ZNF365: variants seen among roughly 807,000 people sequenced by gnomAD.
ZNF365 encodes the protein protein ZNF365.
ZNF365 carries 22 observed loss-of-function variants against 35.0 expected under a neutral mutation model. The ratio of observed to expected loss-of-function variants is 0.63; its 90% CI spans 0.45 to 0.90. ZNF365 has a LOEUF of 0.90. Ranked by LOEUF, ZNF365 falls within the 40% of genes least tolerant of loss-of-function variation. The pLI is 0.00. For synonymous variants in ZNF365, 188 were observed against 196.2 expected (o/e 0.96, Z 0.35); for missense variants, 448 against 500.3 (o/e 0.90, Z 1.00).
chr10:62,479,832 A>G (rs763303608), intron 4 of ZNF365: 1 of 1,359,058 alleles, frequency 7.4e-7, no homozygotes, highest in Non-Finnish European at 1.1e-6. Flanking sequence ...GCACCTAGAT[A>G]CCACTGCAAC....
intron 3 of ZNF365, among the ~76,000 whole-genome samples, chr10:62,420,621 C>G (rs540491218): frequency 2.6e-5 from 4 of 152,306 alleles, no homozygotes; most frequent in African/African-American, 9.6e-5. Context: ...CCTCTAAGTT[C>G]TTGGCCTGGA....
chr10:62,440,653 T>C (rs1470886163), intron 3 of ZNF365, among the ~76,000 whole-genome samples: 1 of 152,222 alleles, frequency 6.6e-6, no homozygotes, highest in Middle Eastern at 3.2e-3. Flanking sequence ...AATACTGCCT[T>C]ACTAATTGTG....
In ZNF365 at chr10:62,400,622, A is replaced by C; in HGVS notation, c.*833A>C. Reference sequence around the variant, plus strand: ...TGGGTGGCTAGGTGGTTGGAATGACAGTGGACTGCACGCTTGGTGCATCGT... The same window carrying C: ...TGGGTGGCTAGGTGGTTGGAATGACCGTGGACTGCACGCTTGGTGCATCGT... On this transcript the variant is annotated 3_prime_UTR_variant, in exon 5 of 5. Coordinates refer to ENST00000395254, the MANE Select transcript of ZNF365 (RefSeq NM_014951.3). 1.0e-6 allele frequency: 1 copy of C among 985,868 alleles called. No homozygotes were observed. The highest frequency in any genetic ancestry group is 1.2e-6 in the Non-Finnish European group (1 of 829,974). 61.1% of individuals were successfully genotyped at this position (985,868 alleles called of 1,614,324 possible).
intron 3 of ZNF365, among the ~76,000 whole-genome samples, chr10:62,456,124 A>G (rs1840757582): frequency 6.6e-6 from 1 of 152,222 alleles, no homozygotes; most frequent in African/African-American, 2.4e-5. Context: ...GTTGAGCACT[A>G]CAAATGCTGC....
intron 3 of ZNF365, among the ~76,000 whole-genome samples, chr10:62,426,188 T>C (rs190529717): frequency 6.6e-6 from 1 of 152,276 alleles, no homozygotes; most frequent in Admixed American, 6.5e-5. Flanking sequence ...GACTCCTCTT[T>C]CTTCCTTTTG....
intron 2 of ZNF365, among the ~76,000 whole-genome samples, chr10:62,384,276 C>T (rs1426462724): frequency 6.6e-6 from 1 of 152,130 alleles, no homozygotes; most frequent in Non-Finnish European, 1.5e-5. Context: ...TATTCTGAGT[C>T]ACAGGGTTGA....
chr10:62,400,986 G>C lies in ZNF365; in HGVS notation c.*1197G>C. On this transcript the variant is annotated 3_prime_UTR_variant, in exon 5 of 5. Coordinates refer to ENST00000395254, the MANE Select transcript of ZNF365 (RefSeq NM_014951.3). ...TTTAGTTTCCACAAAGAGCTGTTAA[G>C]AATTTCCTGCTGTATGATTTTCCTC... 1.0e-6 allele frequency: 1 copy of C among 985,470 alleles called. No individual in the cohort carries two copies. Among genetic ancestry groups the C allele is most frequent in the Non-Finnish European group, 1.2e-6 (1 of 829,918 alleles). 61.0% of individuals were successfully genotyped at this position (985,470 alleles called of 1,614,324 possible). A position where few individuals can be genotyped will look rare whatever the true frequency, so the allele number is the denominator to read the frequency against.
intron 2 of ZNF365, among the ~76,000 whole-genome samples, chr10:62,385,490 C>T (rs1177656479): frequency 6.6e-6 from 1 of 152,150 alleles, no homozygotes; most frequent in Non-Finnish European, 1.5e-5. Flanking sequence ...TGTTCTCTTG[C>T]TTTTGTGATG....
chr10:62,388,680 G>A, intron 3 of ZNF365, 104 bp downstream of exon 3: 1 of 1,347,342 alleles, frequency 7.4e-7, no homozygotes, highest in Non-Finnish European at 1.0e-6. Context: ...GGACTCTCTA[G>A]ACATCATTTG....
intron 3 of ZNF365, among the ~76,000 whole-genome samples, chr10:62,414,795 A>G (rs758259861): frequency 6.6e-6 from 1 of 152,112 alleles, no homozygotes; most frequent in Non-Finnish European, 1.5e-5. Flanking sequence ...CTTCTGTCTC[A>G]TTCTTTCCTA....
Position 62,402,338 on chromosome 10 carries a change from C to G in ZNF365, c.*2549C>G. 1 of 985,522 alleles carries G rather than the reference C, an allele frequency of 1.0e-6. No individual in the cohort carries two copies. The highest frequency in any genetic ancestry group is 1.2e-6 in the Non-Finnish European group (1 of 829,908). 61.0% of individuals were successfully genotyped at this position (985,522 alleles called of 1,614,324 possible). A position where few individuals can be genotyped will look rare whatever the true frequency, so the allele number is the denominator to read the frequency against. On this transcript the variant is annotated 3_prime_UTR_variant, in exon 5 of 5. Coordinates refer to ENST00000395254, the MANE Select transcript of ZNF365 (RefSeq NM_014951.3). ...GTTCAAGTTGCTTAGACATTGTTTT[C>G]CAGTATTCTGCAGGGCCAGTCAGTT...
chr10:62,419,326 G>T (rs1330352610), intron 3 of ZNF365, among the ~76,000 whole-genome samples: 1 of 151,992 alleles, frequency 6.6e-6, no homozygotes, highest in Non-Finnish European at 1.5e-5. Flanking sequence ...TGTAAAAACT[G>T]CACATAATGA....
chr10:62,445,036 TG>T (rs1226488133), intron 3 of ZNF365, among the ~76,000 whole-genome samples: 5 of 152,028 alleles, frequency 3.3e-5, no homozygotes, highest in African/African-American at 9.7e-5. Flanking sequence ...TTTGGTTTTT[TG>T]TCCTTGCGAT....
intron 3 of ZNF365, among the ~76,000 whole-genome samples, chr10:62,445,715 G>A (rs1380155502): frequency 6.6e-6 from 1 of 152,150 alleles, no homozygotes; most frequent in African/African-American, 2.4e-5. Flanking sequence ...CTACTTTTGT[G>A]TATGTTTGAA....
chr10:62,476,439 G>A (rs1841132884), intron 4 of ZNF365, among the ~76,000 whole-genome samples: 1 of 152,210 alleles, frequency 6.6e-6, no homozygotes, highest in South Asian at 2.1e-4. Context: ...TGGGATAGCA[G>A]CCAACAATTA....
intron 3 of ZNF365, among the ~76,000 whole-genome samples, chr10:62,422,756 G>T (rs998357233): frequency 6.6e-6 from 1 of 152,114 alleles, no homozygotes; most frequent in Non-Finnish European, 1.5e-5. Context: ...TGAGTTAGGT[G>T]TTATCTCATC....
intron 4 of ZNF365, among the ~76,000 whole-genome samples, chr10:62,470,239 C>A (rs181767381): frequency 6.6e-6 from 1 of 152,164 alleles, no homozygotes; most frequent in African/African-American, 2.4e-5. Flanking sequence ...AATGAGCAAG[C>A]CACCACCATG....
At chr10:62,388,321 CAAT>C in intron 2 of ZNF365, 72 bp from the exon 3 acceptor site, 1 of 1,553,974 alleles carries the variant, frequency 6.4e-7, no homozygotes, top group Non-Finnish European at 8.8e-7. Flanking sequence ...AGTAGGCACT[CAAT>C]AAATATGTGT....
chr10:62,414,244 G>C (rs567549743), intron 3 of ZNF365, among the ~76,000 whole-genome samples: 2 of 151,780 alleles, frequency 1.3e-5, no homozygotes, highest in African/African-American at 4.8e-5. Context: ...CTGTCACCCA[G>C]GCTGGAATGC....
Sources: gnomAD v4.1 joint callset for allele counts (sites outside exome capture counted in the v4.1 genomes callset) on GRCh38, gnomAD v4.1.1 for gene constraint, MANE v1.5 for transcripts, NCBI Gene and HGNC (gene_info 2026-07-23, HGNC 2026-07-21) for gene names.